Variants in FANCB observed in about 807,000 individuals in gnomAD.
FANCB encodes the protein FA complementation group B, also known as Fanconi anemia group B protein.
A neutral mutation model predicts 38.9 loss-of-function variants in FANCB; 5 were observed. The ratio of observed to expected loss-of-function variants is 0.13; its 90% CI spans 0.07 to 0.27. The LOEUF is 0.27. Ranked by LOEUF, FANCB falls within the 10% of genes least tolerant of loss-of-function variation. FANCB has a pLI of 1.00. For synonymous variants in FANCB, 236 were observed against 215.4 expected (o/e 1.10, Z -0.84); for missense variants, 573 against 602.7 (o/e 0.95, Z 0.52).
chrX:14,741,005 A>G, the FANCB span, among the ~76,000 whole-genome samples: 1 of 107,481 alleles, frequency 9.3e-6, no homozygotes, highest in Non-Finnish European at 1.9e-5. Flanking sequence ...CACGAAGGAC[A>G]GCTCTAAGTG....
At chrX:14,743,455 C>A in the FANCB span, among the ~76,000 whole-genome samples, 1 of 111,442 alleles carries the variant, frequency 9.0e-6, no homozygotes. Flanking sequence ...CTCTTAATCA[C>A]CCCATCATAT....
At chrX:14,797,845 T>C in the FANCB span, among the ~76,000 whole-genome samples, 1 of 111,282 alleles carries the variant, frequency 9.0e-6, no homozygotes, top group Non-Finnish European at 1.9e-5. Context: ...AAAATACTTA[T>C]ACTGGCTACC....
chrX:14,844,129 T>C (rs2092365098), intron 9 of FANCB, 148 bp from the exon 10 acceptor site: 1 of 483,291 alleles, frequency 2.1e-6, no homozygotes, highest in Non-Finnish European at 3.4e-6. Flanking sequence ...TTGATAAAAT[T>C]CAGACTACAG....
the FANCB span, among the ~76,000 whole-genome samples, chrX:14,825,688 T>C: frequency 8.9e-6 from 1 of 112,257 alleles, no homozygotes; most frequent in Non-Finnish European, 1.9e-5. Context: ...ATTTTCATTG[T>C]CTTTCATCTT....
chrX:14,815,442 T>C, the FANCB span, among the ~76,000 whole-genome samples: 1 of 111,072 alleles, frequency 9.0e-6, no homozygotes, highest in East Asian at 2.8e-4. Context: ...ATTAGCTGAA[T>C]ATTGCTAATC....
At chrX:14,789,498 G>A in the FANCB span, among the ~76,000 whole-genome samples, 1 of 111,622 alleles carries the variant, frequency 9.0e-6, no homozygotes, top group South Asian at 3.8e-4. Context: ...AACAATTAAT[G>A]ACACTTAATA....
chrX:14,708,184 A>G, the FANCB span, among the ~76,000 whole-genome samples: 5 of 111,161 alleles, frequency 4.5e-5, no homozygotes, highest in African/African-American at 6.6e-5. Context: ...CCCTCACTCT[A>G]TCTCTTGGCA....
Position 14,848,917 on chromosome X carries a change from G to A in FANCB, c.1496+1588C>T, listed in dbSNP as rs139971466. Among the ~76,000 whole-genome samples the A allele has an allele frequency of 3.1e-3, 345 of 110,298 alleles. 1 individual carries two copies. The highest frequency in any genetic ancestry group is 0.01 in the African/African-American group (306 of 30,306). Reference sequence around the variant, plus strand: ...GGGACCAGAAAGCAGTGACCCCCCCGGACCCAGCTTTCACTATCTTGTGTG... The same window carrying A: ...GGGACCAGAAAGCAGTGACCCCCCCAGACCCAGCTTTCACTATCTTGTGTG... On this transcript the variant is annotated intron_variant, in intron 7 of 9. Coordinates refer to ENST00000650831, the MANE Select transcript of FANCB (RefSeq NM_001018113.3).
chrX:14,757,135 GC>G, the FANCB span, among the ~76,000 whole-genome samples: 2 of 112,123 alleles, frequency 1.8e-5, no homozygotes, highest in Non-Finnish European at 3.8e-5. Context: ...AATTAGTATA[GC>G]CATTATGAAA....
intron 1 of FANCB, among the ~76,000 whole-genome samples, chrX:14,872,061 A>G (rs1035430357): frequency 3.6e-5 from 4 of 111,955 alleles, no homozygotes; most frequent in African/African-American, 1.3e-4. Context: ...AAAACTGTAA[A>G]CATTTCATGC....
At chrX:14,705,581 G>A in the FANCB span, among the ~76,000 whole-genome samples, 1 of 112,270 alleles carries the variant, frequency 8.9e-6, no homozygotes, top group Non-Finnish European at 1.9e-5. Flanking sequence ...ATGAGTGCAA[G>A]CTGCTTATGA....
In FANCB at chrX:14,866,208, A is replaced by T. The variant is rs2092469243; in HGVS notation, c.-70-628T>A. ...AAAATAAATCTTAGTTTACAAAGGC[A>T]ATGCATTTGTATGCATTTGTATGAC... On this transcript the variant is annotated intron_variant, in intron 2 of 9. Coordinates refer to ENST00000650831, the MANE Select transcript of FANCB (RefSeq NM_001018113.3). Among the ~76,000 whole-genome samples the T allele has an allele frequency of 3.6e-5, 4 of 112,192 alleles. No homozygotes were observed. The South Asian group carries it at 1.5e-3, about 41-fold the overall frequency.
At chrX:14,832,560 A>C (rs1169713514), downstream of FANCB, among the ~76,000 whole-genome samples, 1 of 112,316 alleles carries the variant, frequency 8.9e-6, no homozygotes, top group Non-Finnish European at 1.9e-5. Context: ...TAAAATGTGA[A>C]GTCTCCCTCT....
the FANCB span, among the ~76,000 whole-genome samples, chrX:14,747,757 C>A: frequency 8.9e-6 from 1 of 111,932 alleles, no homozygotes; most frequent in Admixed American, 9.5e-5. Flanking sequence ...GGTTTGGTAC[C>A]AAGGAAACAA....
the FANCB span, among the ~76,000 whole-genome samples, chrX:14,690,138 T>C: frequency 1.8e-5 from 2 of 111,908 alleles, no homozygotes; most frequent in Non-Finnish European, 3.8e-5. Flanking sequence ...AGGCCATATA[T>C]AGTTTATTTC....
the FANCB span, among the ~76,000 whole-genome samples, chrX:14,793,251 T>C: frequency 1.8e-5 from 2 of 112,415 alleles, no homozygotes; most frequent in East Asian, 2.8e-4. Context: ...TGACACATGC[T>C]ATAACATGAA....
At chrX:14,730,064 T>C in the FANCB span, 1 of 501,658 alleles carries the variant, frequency 2.0e-6, no homozygotes, top group East Asian at 3.3e-5. Flanking sequence ...TGAGTTGAAC[T>C]TGAAAGAGAA....
chrX:14,813,436 TCTC>T, the FANCB span, among the ~76,000 whole-genome samples: 1 of 111,429 alleles, frequency 9.0e-6, no homozygotes, highest in East Asian at 2.8e-4. Flanking sequence ...CAGCCCAAAA[TCTC>T]CTTAAGCTGA....
At chrX:14,822,480 G>A in the FANCB span, among the ~76,000 whole-genome samples, 1 of 109,575 alleles carries the variant, frequency 9.1e-6, no homozygotes, top group African/African-American at 3.3e-5. Flanking sequence ...GACAGAAACT[G>A]AGGCCAATGG....
Sources: gnomAD v4.1 joint callset for allele counts (sites outside exome capture counted in the v4.1 genomes callset) on GRCh38, gnomAD v4.1.1 for gene constraint, MANE v1.5 for transcripts, NCBI Gene and HGNC (gene_info 2026-07-23, HGNC 2026-07-21) for gene names.